ANK1: variants seen among roughly 807,000 people sequenced by gnomAD.
The protein encoded by ANK1 is ankyrin-1.
A neutral mutation model predicts 210.4 loss-of-function variants in ANK1; 51 were observed. That is an observed-to-expected ratio of 0.24 (90% confidence interval 0.19 to 0.31). The LOEUF is 0.31. Ranked by LOEUF, ANK1 falls within the 10% of genes least tolerant of loss-of-function variation. ANK1 has a pLI of 1.00. For missense variants in ANK1, 2,051 were observed against 2,504.4 expected (o/e 0.82, Z 3.86); for synonymous variants, 967 against 1,025.9 (o/e 0.94, Z 1.10).
At chr8:41,724,034 C>T (rs951488228) in intron 7 of ANK1, among the ~76,000 whole-genome samples, 4 of 151,826 alleles carry the variant, frequency 2.6e-5, no homozygotes, top group Non-Finnish European at 5.9e-5. Flanking sequence ...GTGATCCGCC[C>T]GTCTCGGCCT....
chr8:41,699,569 G>C, intron 22 of ANK1, 21 bp from the exon 23 acceptor site: 1 of 1,607,808 alleles, frequency 6.2e-7, no homozygotes, highest in Non-Finnish European at 8.5e-7. Flanking sequence ...AAGAGCTCAA[G>C]TGAGCGACGG....
rs768063027 is a variant in ANK1 at position 41,717,644 on chromosome 8, T to A, written c.1265A>T (p.Asn422Ile). 5.2e-6 allele frequency: 8 copies of A among 1,551,598 alleles called. No homozygotes were observed. The South Asian group carries it at 7.1e-5, about 14-fold the overall frequency. ...SFMGHLPIVKNLLQRGASPNV... is the reference protein window; with the variant it reads ...SFMGHLPIVKILLQRGASPNV... ...GGGCGACGCCCCCCGCTGCAGGAGG[T>A]TCTTCACGATGGGAAGGTGCCCCAT... The change falls in exon 12 of 43, where the codon AAC (asparagine) becomes ATC (isoleucine). Residue 422 changes from asparagine to isoleucine, a missense_variant. Transcript: ENST00000289734.
chr8:41,825,402 C>T (rs923093054), intron 1 of ANK1, among the ~76,000 whole-genome samples: 6 of 152,202 alleles, frequency 3.9e-5, no homozygotes, highest in African/African-American at 7.2e-5. Flanking sequence ...CTAGAACTGG[C>T]CTTGGGGTCA....
At chr8:41,858,458 G>A (rs1423103865) in intron 1 of ANK1, among the ~76,000 whole-genome samples, 26 of 152,210 alleles carry the variant, frequency 1.7e-4, no homozygotes, top group Non-Finnish European at 2.9e-5. Context: ...GGGAAACACT[G>A]GGGGAGGCCC....
intron 1 of ANK1, among the ~76,000 whole-genome samples, chr8:41,795,526 T>G (rs1848588324): frequency 6.6e-6 from 1 of 151,732 alleles, no homozygotes; most frequent in South Asian, 2.1e-4. Flanking sequence ...ATAATAATTA[T>G]TATTAAATAA....
At position 41,694,189 on chromosome 8, in the gene ANK1, GC is replaced by G; in HGVS notation, c.3328-88del. On this transcript the variant is annotated intron_variant, in intron 28 of 42. Coordinates refer to ENST00000289734, the MANE Select transcript of ANK1 (RefSeq NM_000037.4). This position sits in a 1 kb window ranked among gnomAD's most constrained non-coding sequence, Gnocchi z 5.7. ...GGCAGCTCCATGCCTGGTGAGAGTG[GC>G]CGTCAGTGCACGGGGTCCCGCCCTG... 7.1e-7 allele frequency: 1 copy of G among 1,400,580 alleles called. No individual in the cohort carries two copies. The highest frequency in any genetic ancestry group is 1.9e-4 in the Middle Eastern group (1 of 5,238). The allele number at this position is 1,400,580 out of a possible 1,614,324, so 86.8% of individuals were successfully genotyped here. A position where few individuals can be genotyped will look rare whatever the true frequency, so the allele number is the denominator to read the frequency against.
At chr8:41,712,854 G>T (rs1445677892) in intron 16 of ANK1, among the ~76,000 whole-genome samples, 1 of 152,214 alleles carries the variant, frequency 6.6e-6, no homozygotes, top group East Asian at 1.9e-4. Flanking sequence ...TTTTATATAA[G>T]TAGGGGAGTG....
chr8:41,745,125 G>A (rs1355335711), intron 2 of ANK1, among the ~76,000 whole-genome samples: 1 of 152,186 alleles, frequency 6.6e-6, no homozygotes, highest in Non-Finnish European at 1.5e-5. Flanking sequence ...GAGAGGAAAG[G>A]ATGGAGGGGA....
upstream of ANK1, among the ~76,000 whole-genome samples, chr8:41,797,844 G>C (rs954094518): frequency 6.6e-6 from 1 of 152,040 alleles, no homozygotes; most frequent in African/African-American, 2.4e-5. This position sits in a 1 kb window ranked among gnomAD's most constrained non-coding sequence, Gnocchi z 4.0. Context: ...AGCAGCCGGG[G>C]AGAGCTGAGT....
In ANK1 at chr8:41,805,167, C is replaced by CTCTT. The variant is rs149004947; in HGVS notation, c.127-47034_127-47031dup. On this transcript the variant is annotated intron_variant, in intron 1 of 42. Coordinates refer to the ANK1 transcript ENST00000265709. ...CTCTCATAGAGCTCTTTCTCTCTCT[C>CTCTT]TCTTTCTTTCTTTCTTTCTCTCTCT... 1.3e-4 allele frequency among the ~76,000 whole-genome samples: 20 copies of CTCTT among 150,612 alleles called. No homozygotes were observed. The East Asian group carries it at 1.4e-3, about 10-fold the overall frequency.
In ANK1 at chr8:41,661,528, T is replaced by A. The variant is rs1460299029; in HGVS notation, c.5581A>T (p.Ile1861Leu). The A allele has an allele frequency of 6.2e-7, 1 of 1,613,978 alleles. No individual in the cohort carries two copies. The highest frequency in any genetic ancestry group is 1.7e-5 in the Admixed American group (1 of 60,028). The change falls in exon 42 of 43, where the codon ATA becomes TTA. Residue 1861 changes from isoleucine (I) to leucine (L), a missense_variant. Ile to Leu is a conservative substitution (Grantham distance 5). Transcript: ENST00000289734. ...ATCTGCGCCCCCTTCCTGCCCTCTA[T>A]CAGGTCCGGCTGTAGGCCACTCCCT... ...LRGSGLQPDLIEGRKGAQIVK... is the reference protein window; with the variant it reads ...LRGSGLQPDLLEGRKGAQIVK...
At chr8:41,662,679 ACAT>A (rs1378566981) in intron 40 of ANK1, among the ~76,000 whole-genome samples, 2 of 152,102 alleles carry the variant, frequency 1.3e-5, no homozygotes, top group African/African-American at 4.8e-5. Flanking sequence ...GGGAGGTGAA[ACAT>A]CAGTGAGACA....
chr8:41,698,636 G>A (rs188933381), intron 23 of ANK1, among the ~76,000 whole-genome samples: 1 of 152,276 alleles, frequency 6.6e-6, no homozygotes, highest in Admixed American at 6.5e-5. Flanking sequence ...GTGCCCCACA[G>A]TGAGATAACT....
At chr8:41,894,603 G>T (rs140674081) in intron 1 of ANK1, among the ~76,000 whole-genome samples, 1 of 152,088 alleles carries the variant, frequency 6.6e-6, no homozygotes, top group Non-Finnish European at 1.5e-5. Context: ...ATATGGTGTC[G>T]GGAGTGTCAA....
At chr8:41,839,545 T>A (rs1808448477) in intron 1 of ANK1, among the ~76,000 whole-genome samples, 1 of 152,338 alleles carries the variant, frequency 6.6e-6, no homozygotes, top group South Asian at 2.1e-4. Context: ...GATTTTCATA[T>A]CTTTGGAAGG....
intron 2 of ANK1, among the ~76,000 whole-genome samples, chr8:41,754,069 T>C (rs1838457462): frequency 6.6e-6 from 1 of 152,230 alleles, no homozygotes; most frequent in Non-Finnish European, 1.5e-5. Context: ...ACATAGTTTT[T>C]GGTATGCATA....
intron 1 of ANK1, chr8:41,896,322 G>T (rs753186188): frequency 1.9e-6 from 3 of 1,577,700 alleles, no homozygotes; most frequent in Admixed American, 1.8e-5. Context: ...CAGGTGCCGC[G>T]GTCGCTGGGC....
chr8:41,674,370 T>A (rs940344388), intron 37 of ANK1, among the ~76,000 whole-genome samples: 3 of 152,240 alleles, frequency 2.0e-5, no homozygotes, highest in African/African-American at 7.2e-5. Context: ...TCTTGTCTCA[T>A]GGCATTTTCC....
intron 2 of ANK1, among the ~76,000 whole-genome samples, chr8:41,736,374 C>A (rs748911930): frequency 2.0e-5 from 3 of 152,334 alleles, no homozygotes; most frequent in Non-Finnish European, 2.9e-5. Context: ...CTTCTCAGAG[C>A]AGGGCGAGCT....
Sources: gnomAD v4.1 joint callset for allele counts (sites outside exome capture counted in the v4.1 genomes callset) on GRCh38, gnomAD v4.1.1 for gene constraint, Gnocchi (gnomAD v3.1) non-coding constraint, MANE v1.5 for transcripts, NCBI Gene and HGNC (gene_info 2026-07-23, HGNC 2026-07-21) for gene names.